Variants in DUSP8 observed in about 807,000 individuals in gnomAD.
The protein encoded by DUSP8 is dual specificity phosphatase 8.
In DUSP8, 15 loss-of-function variants were observed where a neutral mutation model predicts 38.7. The observed-to-expected ratio is 0.39, with a 90% CI of 0.26 to 0.60. The LOEUF (loss-of-function observed/expected upper bound fraction) is 0.60. Ranked by LOEUF, DUSP8 falls within the 20% of genes least tolerant of loss-of-function variation. The probability of loss-of-function intolerance (pLI) is 0.56; values close to 1 mark genes in which losing one functional copy is unlikely to be tolerated. For synonymous variants in DUSP8, 458 were observed against 433.9 expected, an observed-to-expected ratio of 1.06 and a Z score of -0.69; for missense variants, 768 against 915.0, an observed-to-expected ratio of 0.84 and a Z score of 2.07.
Position 1,557,570 on chromosome 11 carries a change from C to T in DUSP8, c.826G>A (p.Val276Met). ...GMSSDDAYRF[V>M]KDRRPSISPN... ...GAGATGGACGGGCGCCTGTCCTTCA[C>T]GAACCTGCGGGGGAGGAGGCTCAGT... Residue 276 changes from valine (V) to methionine (M), a missense_variant, in exon 7 of 7, where the codon GTG becomes ATG. Val to Met is a conservative substitution (Grantham distance 21). Coordinates refer to ENST00000397374, the MANE Select transcript of DUSP8 (RefSeq NM_004420.3). This position sits in a 1 kb window ranked among gnomAD's most constrained non-coding sequence, Gnocchi z 9.9. 6.3e-7 allele frequency: 1 copy of T among 1,579,928 alleles called. No homozygotes were observed. Among genetic ancestry groups the T allele is most frequent in the Non-Finnish European group, 8.5e-7 (1 of 1,171,506 alleles).
chr11:1,558,844 G>A lies in DUSP8; in HGVS notation c.537+45C>T. 6.4e-7 allele frequency: 1 copy of A among 1,563,902 alleles called. No individual in the cohort carries two copies. The highest frequency in any genetic ancestry group is 1.2e-5 in the South Asian group (1 of 85,320). On this transcript the variant is annotated intron_variant, in intron 4 of 6. Coordinates refer to ENST00000397374, the MANE Select transcript of DUSP8 (RefSeq NM_004420.3). The surrounding 1 kb of genome is among the most constrained non-coding windows in gnomAD (Gnocchi z 6.3). ...CTGCCAAGCTGCTTCTGGAGCTCCT[G>A]CCCCTTTCCCATTGACCACCCCCCG... is the stretch of plus-strand genomic sequence containing the variant.
intron 3 of DUSP8, among the ~76,000 whole-genome samples, chr11:1,563,067 C>T (rs7929444): frequency 0.54 from 82,163 of 151,914 alleles, 22,619 homozygotes; most frequent in African/African-American, 0.56. Flanking sequence ...CTCCTCACCC[C>T]ACCGTGCCTG....
chr11:1,557,007 G>T lies in DUSP8; in HGVS notation c.1389C>A (p.Ser463=), dbSNP rs1188032656. The change falls in exon 7 of 7, where the codon TCC becomes TCA. Residue 463 remains serine (S), a synonymous_variant. Transcript: ENST00000397374. The surrounding 1 kb of genome is among the most constrained non-coding windows in gnomAD (Gnocchi z 9.9). ...GGCTGTGCGCGGGGGAGCGCGCGGG[G>T]GAGCCGGCGGGGGGCCGGGGCCGCC... The part of the protein sequence containing the change: ...PRRRPRPPAG[S]PARSPAHSLG... 19 of 1,021,760 alleles carry T rather than the reference G, an allele frequency of 1.9e-5. No individual in the cohort carries two copies. The highest frequency in any genetic ancestry group is 2.2e-5 in the Non-Finnish European group (19 of 856,338). 63.3% of individuals were successfully genotyped at this position (1,021,760 alleles called of 1,614,324 possible). A position where few individuals can be genotyped will look rare whatever the true frequency, so the allele number is the denominator to read the frequency against.
In DUSP8 at chr11:1,558,661, T is replaced by A. The variant is rs193143647; in HGVS notation, c.537+228A>T. On this transcript the variant is annotated intron_variant, in intron 4 of 6. Transcript: ENST00000397374. The surrounding 1 kb of genome is among the most constrained non-coding windows in gnomAD (Gnocchi z 6.3). ...GCTTGGCATGCCAGCTCCCCGCTCC[T>A]CCCCCGAGCCCTGCCGGGCCCTCCC... is the stretch of plus-strand genomic sequence containing the variant. 5.3e-3 allele frequency among the ~76,000 whole-genome samples: 804 copies of A among 152,096 alleles called. 11 individuals carry two copies. The highest frequency in any genetic ancestry group is 0.019 in the African/African-American group (769 of 41,490).
intron 3 of DUSP8, 197 bp from the exon 4 acceptor site, chr11:1,559,252 A>G (rs958659416): frequency 1.8e-6 from 1 of 542,604 alleles, no homozygotes; most frequent in South Asian, 2.7e-5. Flanking sequence ...GGGTACTGCC[A>G]CACATTTACA....
At chr11:1,562,691 G>GCA (rs35314980) in intron 3 of DUSP8, among the ~76,000 whole-genome samples, 81,664 of 150,902 alleles carry the variant, frequency 0.54, 22,327 homozygotes, top group Non-Finnish European at 0.55. Flanking sequence ...GCATGCACAT[G>GCA]CACACACACA....
rs752969064 is a variant in DUSP8 at position 1,557,202 on chromosome 11, G to C, written c.1194C>G (p.Ile398Met). Residue 398 changes from isoleucine to methionine, a missense_variant, in exon 7 of 7, where the codon ATC becomes ATG. Transcript: ENST00000397374. This position sits in a 1 kb window ranked among gnomAD's most constrained non-coding sequence, Gnocchi z 9.9. The stretch of plus-strand genomic sequence containing the variant: ...GCCTGCTAGGGGCGTAGGCAGACTT[G>C]ATGTCCAGGGAGAAGGAGCGCTTGA... Reference protein sequence around the residue: ...NRLKRSFSLDIKSAYAPSRRP... With the variant: ...NRLKRSFSLDMKSAYAPSRRP... 2 of 1,491,474 alleles carry C rather than the reference G, an allele frequency of 1.3e-6. No homozygotes were observed. The highest frequency in any genetic ancestry group is 2.5e-5 in the South Asian group (2 of 79,388). The allele number at this position is 1,491,474 out of a possible 1,614,324, so 92.4% of individuals were successfully genotyped here. A position where few individuals can be genotyped will look rare whatever the true frequency, so the allele number is the denominator to read the frequency against.
At chr11:1,561,811 GC>G (rs140315583) in intron 3 of DUSP8, among the ~76,000 whole-genome samples, 6,777 of 151,812 alleles carry the variant, frequency 0.045, 191 homozygotes, top group South Asian at 0.087. Flanking sequence ...CAGCACCCCT[GC>G]CCCCCCCAAT....
At chr11:1,559,123 T>TA in intron 3 of DUSP8, 68 bp from the exon 4 acceptor site, 4 of 1,502,064 alleles carry the variant, frequency 2.7e-6, no homozygotes, top group Non-Finnish European at 3.6e-6. Context: ...TAGGGTGCCC[T>TA]GTCCGCCTAG....
rs547542011 is a variant in DUSP8, at chr11:1,555,415, G to C, written c.*1103C>G. 1 of 986,440 alleles carries C rather than the reference G, an allele frequency of 1.0e-6. No individual in the cohort carries two copies. Among genetic ancestry groups the C allele is most frequent in the Non-Finnish European group, 1.2e-6 (1 of 830,090 alleles). 61.1% of individuals were successfully genotyped at this position (986,440 alleles called of 1,614,324 possible). A position where few individuals can be genotyped will look rare whatever the true frequency, so the allele number is the denominator to read the frequency against. The stretch of plus-strand genomic sequence containing the variant: ...GGCGCCTGAACTCCCTGTGTGAGCA[G>C]CACCTGCTCACAGAGCCCCTCAGCC... On this transcript the variant is annotated 3_prime_UTR_variant, in exon 7 of 7. Transcript: ENST00000397374.
chr11:1,565,555 C>T (rs746788936), intron 2 of DUSP8, 41 bp downstream of exon 2: 5 of 1,524,630 alleles, frequency 3.3e-6, no homozygotes, highest in East Asian at 2.4e-5. Context: ...AGCTGTGGAC[C>T]CTGGACGTGA....
At position 1,556,787 on chromosome 11, in the gene DUSP8, C is replaced by G; in HGVS notation, c.1609G>C (p.Val537Leu). The G allele has an allele frequency of 2.0e-5, 24 of 1,180,564 alleles. No individual in the cohort carries two copies. Among genetic ancestry groups the G allele is most frequent in the Non-Finnish European group, 2.5e-5 (24 of 955,262 alleles). The allele number at this position is 1,180,564 out of a possible 1,614,324, so 73.1% of individuals were successfully genotyped here. A position where few individuals can be genotyped will look rare whatever the true frequency, so the allele number is the denominator to read the frequency against. ...GCCCGGCCGAAGGGCGCAAACAGCA[C>G]CCCGCCCGCCCCCTGTGCGCCCTCG... ...SPEGAQGAGG[V>L]LFAPFGRAGA... Residue 537 changes from valine (V) to leucine (L), a missense_variant, in exon 7 of 7, where the codon GTG (valine) becomes CTG (leucine). By Grantham distance (32) the Val-to-Leu change is conservative. This residue lies in a region of DUSP8 where 474 missense variants were observed against 430.8 expected (regional missense o/e 1.10). Coordinates refer to ENST00000397374, the MANE Select transcript of DUSP8 (RefSeq NM_004420.3). The surrounding 1 kb of genome is among the most constrained non-coding windows in gnomAD (Gnocchi z 5.2).
Position 1,557,743 on chromosome 11 carries a change from G to T in DUSP8, c.821+51C>A, listed in dbSNP as rs777768655. On this transcript the variant is annotated intron_variant, in intron 6 of 6. Transcript: ENST00000397374. This position sits in a 1 kb window ranked among gnomAD's most constrained non-coding sequence, Gnocchi z 9.9. ...TTCTGGTGCAAGTGGGCAGCCGGGG[G>T]AAGGGAAGCGACGCTGTGAGCCACA... 6.2e-7 allele frequency: 1 copy of T among 1,609,562 alleles called. No homozygotes were observed. Among genetic ancestry groups the T allele is most frequent in the Admixed American group, 1.7e-5 (1 of 59,944 alleles).
chr11:1,561,918 G>A (rs1391156950), intron 3 of DUSP8, among the ~76,000 whole-genome samples: 5 of 152,240 alleles, frequency 3.3e-5, no homozygotes, highest in Admixed American at 6.5e-5. Flanking sequence ...GGCAGAGCCC[G>A]TGGGCCTGCC....
In DUSP8 at chr11:1,558,827, C is replaced by T. The variant is rs1471916061; in HGVS notation, c.537+62G>A. The T allele has an allele frequency of 1.1e-5, 17 of 1,535,350 alleles. No individual in the cohort carries two copies. Among genetic ancestry groups the T allele is most frequent in the Non-Finnish European group, 1.5e-5 (17 of 1,136,616 alleles). On this transcript the variant is annotated intron_variant, in intron 4 of 6. Coordinates refer to ENST00000397374, the MANE Select transcript of DUSP8 (RefSeq NM_004420.3). The surrounding 1 kb of genome is among the most constrained non-coding windows in gnomAD (Gnocchi z 6.3). ...CCTCATCCCCCGCTCCGCTGCCAAG[C>T]TGCTTCTGGAGCTCCTGCCCCTTTC...
intron 1 of DUSP8, 92 bp downstream of exon 1, chr11:1,571,809 G>A (rs1848903756): frequency 2.0e-5 from 3 of 149,346 alleles, no homozygotes; most frequent in African/African-American, 4.9e-5. Flanking sequence ...CGCTGCCCCA[G>A]CGCCCCCGAC....
In DUSP8 at chr11:1,558,289, CG is replaced by C; in HGVS notation, c.538-19del. On this transcript the variant is annotated intron_variant, in intron 4 of 6. Transcript: ENST00000397374. This position sits in a 1 kb window ranked among gnomAD's most constrained non-coding sequence, Gnocchi z 6.3. ...ATCAGATCCTGGAGGGGCGGGAGGG[CG>C]GGTTGGAAAGGGGTGGGAGAAGCTC... 5.9e-6 allele frequency: 1 copy of C among 168,946 alleles called. No homozygotes were observed. The highest frequency in any genetic ancestry group is 2.7e-3 in the Middle Eastern group (1 of 374). The allele number at this position is 168,946 out of a possible 1,614,324, so 10.5% of individuals were successfully genotyped here.
At position 1,557,012 on chromosome 11, in the gene DUSP8, C is replaced by T. The variant is rs1201835636; in HGVS notation, c.1384G>A (p.Gly462Ser). 2.0e-5 allele frequency: 20 copies of T among 1,023,676 alleles called. No homozygotes were observed. The highest frequency in any genetic ancestry group is 2.1e-5 in the Non-Finnish European group (18 of 857,606). The allele number at this position is 1,023,676 out of a possible 1,614,324, so 63.4% of individuals were successfully genotyped here. A position where few individuals can be genotyped will look rare whatever the true frequency, so the allele number is the denominator to read the frequency against. ...TGCGCGGGGGAGCGCGCGGGGGAGC[C>T]GGCGGGGGGCCGGGGCCGCCGGCGG... ...RPRRRPRPPA[G>S]SPARSPAHSL... The change falls in exon 7 of 7, where the codon GGC (glycine) becomes AGC (serine). Residue 462 changes from glycine (G) to serine (S), a missense_variant. By Grantham distance (56) the Gly-to-Ser change is moderately conservative (BLOSUM62 0). Coordinates refer to ENST00000397374, the MANE Select transcript of DUSP8 (RefSeq NM_004420.3). This position sits in a 1 kb window ranked among gnomAD's most constrained non-coding sequence, Gnocchi z 9.9.
chr11:1,562,681 G>A (rs1201026418), intron 3 of DUSP8, among the ~76,000 whole-genome samples: 2 of 112,072 alleles, frequency 1.8e-5, no homozygotes, highest in Admixed American at 8.6e-5. Flanking sequence ...ACACATACAT[G>A]CATGCACATG....
Sources: allele counts gnomAD v4.1 joint callset (sites outside exome capture counted in the v4.1 genomes callset), GRCh38; gene constraint gnomAD v4.1.1; regional missense constraint gnomAD v4.1.1; non-coding constraint Gnocchi (gnomAD v3.1); transcripts MANE v1.5; gene names NCBI Gene and HGNC (gene_info 2026-07-23, HGNC 2026-07-21).